The following MYOM1 variants were observed in gnomAD, a reference collection of about 807,000 sequenced individuals.
MYOM1 encodes myomesin 1, also known as myomesin-1.
In MYOM1, 164 loss-of-function variants were observed where a neutral mutation model predicts 205.3. That is an observed-to-expected ratio of 0.80 (90% CI 0.70 to 0.91). MYOM1 has a LOEUF of 0.91. Ranked by LOEUF, MYOM1 falls within the 40% of genes least tolerant of loss-of-function variation. MYOM1 has a pLI of 0.00. For missense variants in MYOM1, 2,011 were observed against 2,127.3 expected (o/e 0.95, Z 1.08); for synonymous variants, 772 against 789.4 (o/e 0.98, Z 0.37).
chr18:3,078,360 G>T (rs1224507528), intron 34 of MYOM1, among the ~76,000 whole-genome samples: 1 of 152,018 alleles, frequency 6.6e-6, no homozygotes, highest in Admixed American at 6.6e-5. Flanking sequence ...ATTTTAAAAT[G>T]AAGTGGAGGA....
At chr18:3,083,768 A>G (rs755642167) in intron 33 of MYOM1, 21 bp downstream of exon 33, 2 of 1,540,942 alleles carry the variant, frequency 1.3e-6, no homozygotes, top group South Asian at 2.4e-5. Flanking sequence ...CTACACAGCA[A>G]GTAAGTTCTC....
chr18:3,227,825 T>C, the MYOM1 span, among the ~76,000 whole-genome samples: 12 of 151,952 alleles, frequency 7.9e-5, no homozygotes, highest in South Asian at 1.9e-3. Context: ...CAAAAAAAAA[T>C]TAATTAATTT....
chr18:3,181,178 C>A (rs1025596754), intron 5 of MYOM1, among the ~76,000 whole-genome samples: 5 of 152,138 alleles, frequency 3.3e-5, no homozygotes, highest in Non-Finnish European at 1.5e-5. Flanking sequence ...CTGCCTGCTT[C>A]GGCCCCCAAA....
chr18:3,112,476 A>G, intron 21 of MYOM1, 64 bp from the exon 22 acceptor site: 1 of 1,272,320 alleles, frequency 7.9e-7, no homozygotes, highest in Non-Finnish European at 1.1e-6. Flanking sequence ...TATGTCATTT[A>G]AACAGACGGG....
upstream of MYOM1, among the ~76,000 whole-genome samples, chr18:3,220,534 C>T (rs1203536570): frequency 2.0e-5 from 3 of 152,292 alleles, no homozygotes; most frequent in Middle Eastern, 3.4e-3. Flanking sequence ...CCTTTTGAGA[C>T]GCAACTCAGT....
chr18:3,096,893 A>C (rs2079312858), intron 25 of MYOM1, among the ~76,000 whole-genome samples: 1 of 152,148 alleles, frequency 6.6e-6, no homozygotes, highest in African/African-American at 2.4e-5. Context: ...CAATACTGGC[A>C]AGATAGACTA....
intron 10 of MYOM1, among the ~76,000 whole-genome samples, chr18:3,157,978 A>G (rs1347288664): frequency 6.6e-6 from 1 of 151,992 alleles, no homozygotes; most frequent in East Asian, 1.9e-4. Flanking sequence ...TACTCTTTAT[A>G]TTTTGACCTC....
intron 21 of MYOM1, among the ~76,000 whole-genome samples, chr18:3,112,802 C>T (rs895224008): frequency 1.3e-5 from 2 of 152,138 alleles, no homozygotes; most frequent in African/African-American, 4.8e-5. Flanking sequence ...GCTTTTCCCC[C>T]CAATCCTTTT....
chr18:3,200,442 A>G (rs1463354764), intron 2 of MYOM1, among the ~76,000 whole-genome samples: 3 of 152,242 alleles, frequency 2.0e-5, no homozygotes, highest in Admixed American at 1.3e-4. Flanking sequence ...AGCAGCAATT[A>G]TAAATATGTT....
rs147687846 is a variant in MYOM1 at position 3,209,481 on chromosome 18, G to A, written c.290+5453C>T. On this transcript the variant is annotated intron_variant, in intron 2 of 37. Coordinates refer to ENST00000356443, the MANE Select transcript of MYOM1 (RefSeq NM_003803.4). The surrounding 1 kb of genome is among the most constrained non-coding windows in gnomAD (Gnocchi z 4.0). ...GCATGTCGCTATTCTGCTCAAAACT[G>A]TCATGGATTCCTTCTTTAACTCAGA... Among the ~76,000 whole-genome samples, 290 of 152,298 alleles carry A rather than the reference G, an allele frequency of 1.9e-3. No homozygotes were observed. The highest frequency in any genetic ancestry group is 3.4e-3 in the Non-Finnish European group (233 of 68,026).
chr18:3,148,580 G>C (rs2080163878), intron 13 of MYOM1, among the ~76,000 whole-genome samples: 2 of 151,974 alleles, frequency 1.3e-5, no homozygotes, highest in Non-Finnish European at 2.9e-5. Flanking sequence ...GGGCGCGGTG[G>C]CTCACGTCTG....
At chr18:3,220,764 G>A (rs968937304), upstream of MYOM1, among the ~76,000 whole-genome samples, 1 of 151,570 alleles carries the variant, frequency 6.6e-6, no homozygotes, top group Non-Finnish European at 1.5e-5. Flanking sequence ...CAGGTTTTTT[G>A]TCTATAAAAT....
At chr18:3,224,028 ATTTTT>A (rs550455569), upstream of MYOM1, among the ~76,000 whole-genome samples, 7 of 138,666 alleles carry the variant, frequency 5.0e-5, no homozygotes, top group Admixed American at 7.3e-5. Flanking sequence ...CTAACATTAG[ATTTTT>A]TTTTTTTTTT....
rs1363497961 is a variant in MYOM1 at position 3,100,215 on chromosome 18, A to G, written c.3683-12T>C. 2 of 1,613,850 alleles carry G rather than the reference A, an allele frequency of 1.2e-6. No homozygotes were observed. Among genetic ancestry groups the G allele is most frequent in the Non-Finnish European group, 1.7e-6 (2 of 1,179,880 alleles). ...TAAACGTTTCAATTCTGTAGGGGGA[A>G]AAAGAAGGCAGTTAAACCTTAAACT... On this transcript the variant is annotated splice_polypyrimidine_tract_variant and intron_variant, in intron 24 of 37. Coordinates refer to ENST00000356443, the MANE Select transcript of MYOM1 (RefSeq NM_003803.4).
chr18:3,131,310 G>C lies in MYOM1; in HGVS notation c.2506+65C>G. ...AGCTAAATAATTTCTGGAGAGGATG[G>C]TATCTTCCTTTCTAACATAGAAAAA... On this transcript the variant is annotated intron_variant, in intron 17 of 37. Transcript: ENST00000356443. 6 of 1,563,012 alleles carry C rather than the reference G, an allele frequency of 3.8e-6. No homozygotes were observed. In the South Asian group the frequency reaches 6.8e-5, roughly 18 times the overall value.
chr18:3,233,812 A>C, the MYOM1 span, among the ~76,000 whole-genome samples: 3 of 152,366 alleles, frequency 2.0e-5, no homozygotes, highest in East Asian at 3.9e-4. Flanking sequence ...GCCTTGCTGG[A>C]AATTCTGCAA....
intron 17 of MYOM1, 96 bp downstream of exon 17, chr18:3,131,279 A>G: frequency 7.3e-7 from 1 of 1,370,244 alleles, no homozygotes. Flanking sequence ...ATCCAGCAAT[A>G]TTGGAAGCTA....
chr18:3,149,124 T>C, intron 13 of MYOM1, 21 bp downstream of exon 13: 1 of 1,612,454 alleles, frequency 6.2e-7, no homozygotes. Flanking sequence ...CAATAGTATC[T>C]GGGGCAACCA....
intron 35 of MYOM1, 50 bp downstream of exon 35, chr18:3,075,675 C>T (rs1249226107): frequency 1.3e-5 from 20 of 1,578,142 alleles, no homozygotes; most frequent in Non-Finnish European, 1.7e-5. Context: ...ATGCAAGCTT[C>T]CCGGGAAATT....
Sources: gnomAD v4.1 joint callset for allele counts (sites outside exome capture counted in the v4.1 genomes callset) on GRCh38, gnomAD v4.1.1 for gene constraint, Gnocchi (gnomAD v3.1) non-coding constraint, MANE v1.5 for transcripts, NCBI Gene and HGNC (gene_info 2026-07-23, HGNC 2026-07-21) for gene names.